The following GRID2 variants were observed in gnomAD, a reference collection of about 807,000 sequenced individuals.
GRID2 encodes glutamate ionotropic receptor delta type subunit 2.
In GRID2, 33 loss-of-function variants were observed where a neutral mutation model predicts 114.8. The observed-to-expected ratio is 0.29, with a 90% CI of 0.22 to 0.38. The LOEUF (loss-of-function observed/expected upper bound fraction) is 0.38. Among genes scored for constraint, GRID2 ranks in the 10% least tolerant of loss-of-function variants. GRID2 has a pLI of 1.00. For missense variants in GRID2, 1,184 were observed against 1,257.7 expected (o/e 0.94, Z 0.89); for synonymous variants, 505 against 449.9 (o/e 1.12, Z -1.55).
intron 2 of GRID2, among the ~76,000 whole-genome samples, chr4:92,617,890 A>C (rs1385301211): frequency 1.3e-5 from 2 of 151,406 alleles, no homozygotes; most frequent in Non-Finnish European, 1.5e-5. Flanking sequence ...GAGAAATTTG[A>C]GTTTCTTTTA....
intron 2 of GRID2, among the ~76,000 whole-genome samples, chr4:92,899,435 G>C (rs1747404996): frequency 6.6e-6 from 1 of 152,098 alleles, no homozygotes; most frequent in South Asian, 2.1e-4. Context: ...ACAAGTGGTT[G>C]AATTTCTGAG....
At chr4:92,798,063 A>T (rs1244931820) in intron 2 of GRID2, among the ~76,000 whole-genome samples, 1 of 151,970 alleles carries the variant, frequency 6.6e-6, no homozygotes, top group Non-Finnish European at 1.5e-5. Context: ...AAAATTTTTT[A>T]AATGTTTCTT....
At chr4:93,190,245 C>G (rs757267114) in intron 4 of GRID2, among the ~76,000 whole-genome samples, 1 of 151,938 alleles carries the variant, frequency 6.6e-6, no homozygotes, top group Non-Finnish European at 1.5e-5. Flanking sequence ...TTGTTTATAA[C>G]CTTGATATTT....
At chr4:93,803,608 G>T (rs2110369121) in intron 1 of GRID2, among the ~76,000 whole-genome samples, 1 of 152,186 alleles carries the variant, frequency 6.6e-6, no homozygotes, top group South Asian at 2.1e-4. Flanking sequence ...TGTAGTCCTA[G>T]CCACTCGGGA....
chr4:92,684,204 A>C (rs1291529121), intron 2 of GRID2, among the ~76,000 whole-genome samples: 2 of 152,062 alleles, frequency 1.3e-5, no homozygotes, highest in Non-Finnish European at 2.9e-5. Context: ...GTGGGAATGA[A>C]ATTTTAATAT....
chr4:92,668,482 A>G (rs1156240643), intron 2 of GRID2, among the ~76,000 whole-genome samples: 2 of 151,768 alleles, frequency 1.3e-5, no homozygotes, highest in Non-Finnish European at 2.9e-5. Flanking sequence ...AGTAATATAT[A>G]TTGAGGCATC....
intron 2 of GRID2, among the ~76,000 whole-genome samples, chr4:92,804,247 A>C (rs1296758308): frequency 6.6e-6 from 1 of 152,058 alleles, no homozygotes; most frequent in African/African-American, 2.4e-5. Flanking sequence ...ATGTTATTAA[A>C]GTAATTAAAT....
intron 1 of GRID2, among the ~76,000 whole-genome samples, chr4:92,404,847 A>T (rs574056193): frequency 6.6e-6 from 1 of 152,228 alleles, no homozygotes; most frequent in Admixed American, 6.5e-5. Context: ...ACATTGACAC[A>T]CAGAGGGGAA....
At chr4:92,953,833 T>A (rs990375100) in intron 2 of GRID2, among the ~76,000 whole-genome samples, 7 of 152,172 alleles carry the variant, frequency 4.6e-5, no homozygotes, top group Non-Finnish European at 8.8e-5. Context: ...TATTTCACAA[T>A]TTTTTAAACA....
At chr4:92,424,074 A>G (rs1307891672) in intron 1 of GRID2, among the ~76,000 whole-genome samples, 4 of 152,056 alleles carry the variant, frequency 2.6e-5, no homozygotes, top group Non-Finnish European at 4.4e-5. Context: ...AATTCTTGTG[A>G]CATTATGTTA....
intron 2 of GRID2, among the ~76,000 whole-genome samples, chr4:92,671,590 A>G (rs1378735880): frequency 6.6e-6 from 1 of 152,060 alleles, no homozygotes; most frequent in Non-Finnish European, 1.5e-5. Context: ...CCTTTGACAG[A>G]GGATTCAGGA....
intron 2 of GRID2, among the ~76,000 whole-genome samples, chr4:92,715,992 T>C (rs1436279789): frequency 6.6e-6 from 1 of 152,244 alleles, no homozygotes; most frequent in Non-Finnish European, 1.5e-5. Context: ...AGATGTTTTC[T>C]GTCATTAGAC....
chr4:92,499,477 T>C (rs555946660), intron 1 of GRID2, among the ~76,000 whole-genome samples: 1 of 152,332 alleles, frequency 6.6e-6, no homozygotes, highest in South Asian at 2.1e-4. Context: ...TTAATAGCTT[T>C]TACTTTATAG....
intron 10 of GRID2, among the ~76,000 whole-genome samples, chr4:93,423,336 C>CTTTTTTTTTTTT (rs554663844): frequency 2.4e-4 from 18 of 73,568 alleles, no homozygotes; most frequent in East Asian, 4.6e-4. Flanking sequence ...TTTTTTCTTT[C>CTTTTTTTTTTTT]TTTTTTTTTT....
intron 4 of GRID2, among the ~76,000 whole-genome samples, chr4:93,113,469 C>A (rs927742508): frequency 2.0e-5 from 3 of 152,164 alleles, no homozygotes; most frequent in African/African-American, 7.2e-5. Context: ...GGAAAAAGAT[C>A]AGTGCTCGAG....
At chr4:92,706,718 T>G (rs1053919249) in intron 2 of GRID2, among the ~76,000 whole-genome samples, 2 of 152,202 alleles carry the variant, frequency 1.3e-5, no homozygotes, top group Non-Finnish European at 2.9e-5. Flanking sequence ...TGTTTGATTA[T>G]CAGAACCTAG....
chr4:93,651,954 CA>C (rs1722617928), intron 14 of GRID2, among the ~76,000 whole-genome samples: 1 of 152,108 alleles, frequency 6.6e-6, no homozygotes, highest in African/African-American at 2.4e-5. Context: ...TTTGGGACCA[CA>C]GGGAAGCAGT....
intron 1 of GRID2, among the ~76,000 whole-genome samples, chr4:92,334,179 A>G (rs1361491888): frequency 1.3e-5 from 2 of 152,162 alleles, no homozygotes; most frequent in Admixed American, 1.3e-4. Context: ...TTTCTGTCTT[A>G]GACCTCATTG....
intron 1 of GRID2, among the ~76,000 whole-genome samples, chr4:92,417,135 C>T (rs971954456): frequency 2.0e-5 from 3 of 151,864 alleles, no homozygotes; most frequent in African/African-American, 7.3e-5. Flanking sequence ...TAATTGTCTG[C>T]AAGTTTATAT....
Sources: gnomAD v4.1 joint callset for allele counts (sites outside exome capture counted in the v4.1 genomes callset) on GRCh38, gnomAD v4.1.1 for gene constraint, MANE v1.5 for transcripts, NCBI Gene and HGNC (gene_info 2026-07-23, HGNC 2026-07-21) for gene names.